FREM1: variants seen among roughly 807,000 people sequenced by gnomAD.
FREM1 encodes FRAS1 related extracellular matrix 1.
A neutral mutation model predicts 210.1 loss-of-function variants in FREM1; 220 were observed. The observed-to-expected ratio is 1.05, with a 90% CI of 0.94 to 1.17. FREM1 has a LOEUF of 1.17. FREM1 is among the 50% of genes most tolerant of loss of function. The pLI is 0.00. For synonymous variants in FREM1, 1,189 were observed against 980.2 expected, an observed-to-expected ratio of 1.21 and a Z score of -3.98; for missense variants, 3,454 against 2,675.5, an observed-to-expected ratio of 1.29 and a Z score of -6.42.
In FREM1 at chr9:14,863,912, C is replaced by T; in HGVS notation, c.235-9G>A. ...AAATGGCAGTCAAAGACCTAGTTCA[C>T]ATGAAGAATTGGATAAATATCTATG... is the stretch of plus-strand genomic sequence containing the variant. On this transcript the variant is annotated splice_polypyrimidine_tract_variant and intron_variant, in intron 2 of 36. Coordinates refer to ENST00000380880, the MANE Select transcript of FREM1 (RefSeq NM_001379081.2). The T allele has an allele frequency of 1.3e-6, 2 of 1,548,804 alleles. No homozygotes were observed. Among genetic ancestry groups the T allele is most frequent in the Non-Finnish European group, 1.8e-6 (2 of 1,121,290 alleles).
chr9:14,765,075 T>G (rs1042378854), intron 27 of FREM1, among the ~76,000 whole-genome samples: 2 of 152,232 alleles, frequency 1.3e-5, no homozygotes, highest in Non-Finnish European at 1.5e-5. Flanking sequence ...GCTAAAATTG[T>G]GATTAAATTA....
intron 19 of FREM1, among the ~76,000 whole-genome samples, chr9:14,804,618 C>T (rs1818021874): frequency 1.3e-5 from 2 of 151,928 alleles, no homozygotes. Context: ...ATGACTACTT[C>T]CAGAGAAGAG....
chr9:14,756,168 C>A (rs1844309078), intron 29 of FREM1, among the ~76,000 whole-genome samples: 1 of 151,902 alleles, frequency 6.6e-6, no homozygotes, highest in African/African-American at 2.4e-5. Context: ...CATTTGAAAT[C>A]AAAATTCATT....
intron 7 of FREM1, among the ~76,000 whole-genome samples, chr9:14,847,669 G>A (rs919660650): frequency 2.0e-5 from 3 of 152,228 alleles, no homozygotes; most frequent in Admixed American, 6.5e-5. Context: ...AAATTTCAAC[G>A]ATGGCACAGA....
At chr9:14,875,087 G>T (rs1335823540) in intron 1 of FREM1, among the ~76,000 whole-genome samples, 1 of 152,098 alleles carries the variant, frequency 6.6e-6, no homozygotes, top group Non-Finnish European at 1.5e-5. Context: ...CTTTCTCTCT[G>T]GCTGCCCTTA....
intron 20 of FREM1, among the ~76,000 whole-genome samples, chr9:14,798,893 C>T (rs376269907): frequency 2.8e-4 from 43 of 151,154 alleles, no homozygotes; most frequent in East Asian, 2.0e-3. Context: ...AGGCTGGTCT[C>T]GAACTCCTGA....
intron 1 of FREM1, among the ~76,000 whole-genome samples, chr9:14,904,114 C>CAAAAAAAAAAAAAACAAA (rs1817258516): frequency 1.4e-5 from 1 of 71,668 alleles, no homozygotes; most frequent in Non-Finnish European, 2.5e-5. Flanking sequence ...GACTCCGTCT[C>CAAAAAAAAAAAAAACAAA]AAAAAAAAAA....
rs181835619 is a variant in FREM1, at chr9:14,744,713, T to C, written c.6254+1640A>G. Among the ~76,000 whole-genome samples the C allele has an allele frequency of 1.4e-4, 21 of 152,328 alleles. 1 individual carries two copies. The highest frequency in any genetic ancestry group is 4.8e-4 in the African/African-American group (20 of 41,584). On this transcript the variant is annotated intron_variant, in intron 35 of 36. Transcript: ENST00000380880. ...GAATAAAGTTATTATACAACATTTT[T>C]ATGAAGCTTTTTTAGTATGTATTTT... is the stretch of plus-strand genomic sequence containing the variant.
intron 16 of FREM1, among the ~76,000 whole-genome samples, chr9:14,812,607 G>A (rs922486145): frequency 1.4e-4 from 21 of 152,138 alleles, no homozygotes; most frequent in African/African-American, 4.3e-4. Context: ...GCCTTTCTCC[G>A]CTGTTTGAAA....
At chr9:14,871,603 T>C (rs1051479704) in intron 1 of FREM1, among the ~76,000 whole-genome samples, 2 of 152,210 alleles carry the variant, frequency 1.3e-5, no homozygotes, top group South Asian at 4.1e-4. Context: ...ATTGTATAGG[T>C]TGCCTGTTCA....
At position 14,778,700 on chromosome 9, in the gene FREM1, G is replaced by GAAGGC. The variant is rs1156846989; in HGVS notation, c.4443-2498_4443-2497insGCCTT. The stretch of plus-strand genomic sequence containing the variant: ...GGGAGGGAGGGAAGGGAAGGGAAGG[G>GAAGGC]AAGGGAAGGGAAGGGAAGGGAAGGG... On this transcript the variant is annotated intron_variant, in intron 24 of 36. Transcript: ENST00000380880. 8.3e-3 allele frequency among the ~76,000 whole-genome samples: 462 copies of GAAGGC among 55,612 alleles called. 13 individuals carry two copies. Among genetic ancestry groups the GAAGGC allele is most frequent in the African/African-American group, 0.025 (441 of 17,854 alleles). The allele number at this position is 55,612 out of a possible 152,430, so 36.5% of individuals were successfully genotyped here.
At position 14,788,913 on chromosome 9, in the gene FREM1, T is replaced by TTTTACC. The variant is rs1219054116; in HGVS notation, c.4177_4177+5dup. The TTTTACC allele has an allele frequency of 6.2e-7, 1 of 1,608,682 alleles. No homozygotes were observed. Among genetic ancestry groups the TTTTACC allele is most frequent in the Admixed American group, 1.7e-5 (1 of 59,506 alleles). ...TCCCAGTAAACCTTGGTAGACGTGCTTTTACCTTTTTCCATGTCCTTGATG... is the reference window on the plus strand; with the variant it reads ...TCCCAGTAAACCTTGGTAGACGTGCTTTTACCTTTACCTTTTTCCATGTCCTTGATG... On this transcript the variant is annotated splice_donor_region_variant and intron_variant, in intron 23 of 36. Coordinates refer to ENST00000380880, the MANE Select transcript of FREM1 (RefSeq NM_001379081.2).
At position 14,792,885 on chromosome 9, in the gene FREM1, C is replaced by T. The variant is rs1004525781; in HGVS notation, c.3840-1G>A. 6.4e-7 allele frequency: 1 copy of T among 1,560,358 alleles called. No homozygotes were observed. Among genetic ancestry groups the T allele is most frequent in the Non-Finnish European group, 8.7e-7 (1 of 1,152,076 alleles). ...CATATTCATTGCAATTTCAGCCTTC[C>T]TGTAAAAAGAAAAATGTCTGGGTTG... On this transcript the variant is annotated splice_acceptor_variant, in intron 21 of 36. Coordinates refer to ENST00000380880, the MANE Select transcript of FREM1 (RefSeq NM_001379081.2). LOFTEE classifies it high-confidence loss of function.
intron 1 of FREM1, among the ~76,000 whole-genome samples, chr9:14,877,892 A>C (rs1365316335): frequency 1.3e-5 from 2 of 152,222 alleles, no homozygotes; most frequent in Non-Finnish European, 2.9e-5. Context: ...CAAAGTTTAT[A>C]GTGATTTGTT....
chr9:14,908,939 C>A (rs895192401), intron 1 of FREM1, among the ~76,000 whole-genome samples: 3 of 152,160 alleles, frequency 2.0e-5, no homozygotes, highest in Non-Finnish European at 2.9e-5. Flanking sequence ...ACTGAAGGCA[C>A]CTTTATCAAA....
intron 2 of FREM1, 52 bp from the exon 3 acceptor site, chr9:14,863,955 T>C (rs1831047556): frequency 8.5e-7 from 1 of 1,182,230 alleles, no homozygotes; most frequent in South Asian, 1.3e-5. Flanking sequence ...TGGTACAAGA[T>C]TTAACATTTT....
chr9:14,756,514 T>A lies in FREM1; in HGVS notation c.5335-68A>T, dbSNP rs577150252. On this transcript the variant is annotated intron_variant, in intron 28 of 36. Coordinates refer to ENST00000380880, the MANE Select transcript of FREM1 (RefSeq NM_001379081.2). ...TTCTACAATAGAGAAACAGCTATTCTCCCTCATACTGGACTAAACTCATGC... is the reference window on the plus strand; with the variant it reads ...TTCTACAATAGAGAAACAGCTATTCACCCTCATACTGGACTAAACTCATGC... 3.7e-6 allele frequency: 4 copies of A among 1,092,930 alleles called. No homozygotes were observed. In the East Asian group the frequency reaches 1.0e-4, roughly 28 times the overall value. 67.7% of individuals were successfully genotyped at this position (1,092,930 alleles called of 1,614,324 possible).
intron 1 of FREM1, among the ~76,000 whole-genome samples, chr9:14,870,320 G>C (rs1832375463): frequency 6.6e-6 from 1 of 152,142 alleles, no homozygotes; most frequent in Non-Finnish European, 1.5e-5. Flanking sequence ...CCTGATACCT[G>C]AGGGGTGTAC....
At chr9:14,801,457 A>C (rs1045393561) in intron 20 of FREM1, among the ~76,000 whole-genome samples, 195 bp downstream of exon 20, 50 of 152,280 alleles carry the variant, frequency 3.3e-4, no homozygotes, top group African/African-American at 1.1e-3. Context: ...AAATCTCTTG[A>C]ACTTACTTCT....
Sources: allele counts gnomAD v4.1 joint callset (sites outside exome capture counted in the v4.1 genomes callset), GRCh38; gene constraint gnomAD v4.1.1; transcripts MANE v1.5; gene names NCBI Gene and HGNC (gene_info 2026-07-23, HGNC 2026-07-21).